ZNF678: variants seen among roughly 807,000 people sequenced by gnomAD.
The protein encoded by ZNF678 is hypothetical protein MGC42493.
In ZNF678, 5 loss-of-function variants were observed where a neutral mutation model predicts 3.0. That is an observed-to-expected ratio of 1.69 (90% CI 0.88 to 3.56). The LOEUF (loss-of-function observed/expected upper bound fraction) is 3.56. ZNF678 is among the 30% of genes most tolerant of loss of function. The pLI is 0.00. For missense variants in ZNF678, 593 were observed against 605.0 expected, an observed-to-expected ratio of 0.98 and a Z score of 0.21; for synonymous variants, 218 against 199.6, an observed-to-expected ratio of 1.09 and a Z score of -0.78.
At chr1:227,654,306 A>C (rs1186604526) in intron 3 of ZNF678, 30 bp from the exon 4 acceptor site, 1 of 1,470,724 alleles carries the variant, frequency 6.8e-7, no homozygotes, top group African/African-American at 1.4e-5. Context: ...ATTAGTAAGA[A>C]GAATAACTTT....
intron 1 of ZNF678, among the ~76,000 whole-genome samples, chr1:227,595,786 A>G (rs777242084): frequency 6.6e-6 from 1 of 152,196 alleles, no homozygotes; most frequent in Non-Finnish European, 1.5e-5. Context: ...AGTCAAGTCA[A>G]AAACAAAAAC....
chr1:227,623,462 A>G (rs2102772534), intron 1 of ZNF678, among the ~76,000 whole-genome samples: 1 of 152,368 alleles, frequency 6.6e-6, no homozygotes, highest in South Asian at 2.1e-4. Context: ...AAGAGCTTCA[A>G]AGCACTGGCT....
At chr1:227,640,813 G>C (rs1190476707) in intron 1 of ZNF678, among the ~76,000 whole-genome samples, 4 of 152,070 alleles carry the variant, frequency 2.6e-5, no homozygotes, top group African/African-American at 9.7e-5. Flanking sequence ...TTCCCATAAC[G>C]GAGGGTAGGC....
rs1198805907 is a variant in ZNF678, at chr1:227,580,788, G to A, written c.-164+17064G>A. The stretch of plus-strand genomic sequence containing the variant: ...TCTACTAAAAATACAGAATTAGCCA[G>A]GCGTGGTGGTGCATGTCTGTAATCC... On this transcript the variant is annotated intron_variant, in intron 1 of 3. Transcript: ENST00000343776. Among the ~76,000 whole-genome samples the A allele has an allele frequency of 3.3e-5, 5 of 152,212 alleles. No homozygotes were observed. In the South Asian group the frequency reaches 6.2e-4, roughly 19 times the overall value.
intron 1 of ZNF678, among the ~76,000 whole-genome samples, chr1:227,610,029 G>C (rs1033855354): frequency 6.6e-6 from 1 of 151,972 alleles, no homozygotes; most frequent in Non-Finnish European, 1.5e-5. Flanking sequence ...CACCGCGCTC[G>C]ACCCTCCTTC....
chr1:227,563,793 GCCCGGAGT>G (rs2102707077), intron 1 of ZNF678, 69 bp downstream of exon 1: 1 of 1,281,892 alleles, frequency 7.8e-7, no homozygotes, highest in East Asian at 5.6e-5. Flanking sequence ...AGAGTCCGCG[GCCCGGAGT>G]CCCGGCTGGC....
chr1:227,622,271 A>G (rs1658299792), intron 1 of ZNF678, among the ~76,000 whole-genome samples: 1 of 152,252 alleles, frequency 6.6e-6, no homozygotes. Flanking sequence ...AGGCAAAGCT[A>G]AATTCTTTCC....
chr1:227,670,231 A>ATGT (rs1659576865), intron 5 of ZNF678, among the ~76,000 whole-genome samples: 2 of 152,202 alleles, frequency 1.3e-5, no homozygotes, highest in Admixed American at 6.5e-5. Flanking sequence ...TACTATACCC[A>ATGT]AAATACCCAT....
At chr1:227,619,381 T>C (rs567888749) in intron 1 of ZNF678, among the ~76,000 whole-genome samples, 11 of 152,308 alleles carry the variant, frequency 7.2e-5, no homozygotes, top group African/African-American at 2.6e-4. Context: ...TGCTCGAAAG[T>C]ATAGTTGGGC....
At chr1:227,613,677 T>C (rs1305660857) in intron 1 of ZNF678, among the ~76,000 whole-genome samples, 1 of 152,210 alleles carries the variant, frequency 6.6e-6, no homozygotes, top group African/African-American at 2.4e-5. Flanking sequence ...CCTCTGCCTT[T>C]GCTTTCTGTT....
At position 227,646,351 on chromosome 1, in the gene ZNF678, G is replaced by A. The variant is rs1309373748; in HGVS notation, c.-163-193G>A. ...TTATAAAAATATAGCATCTACACTG[G>A]TTTTGTAAATCTTATGCCATCCTCT... On this transcript the variant is annotated intron_variant, in intron 1 of 3. Coordinates refer to ENST00000343776, the MANE Select transcript of ZNF678 (RefSeq NM_001367909.1). Among the ~76,000 whole-genome samples the A allele has an allele frequency of 2.6e-5, 4 of 152,180 alleles. No individual in the cohort carries two copies. The East Asian group carries it at 7.7e-4, about 29-fold the overall frequency.
At chr1:227,648,819 G>A (rs938321503) in intron 2 of ZNF678, among the ~76,000 whole-genome samples, 4 of 149,104 alleles carry the variant, frequency 2.7e-5, no homozygotes, top group African/African-American at 5.0e-5. Context: ...GTGACAGAGC[G>A]AGACTCCATC....
At chr1:227,672,176 G>A (rs1434377660) in intron 5 of ZNF678, among the ~76,000 whole-genome samples, 2 of 152,188 alleles carry the variant, frequency 1.3e-5, no homozygotes, top group African/African-American at 4.8e-5. Flanking sequence ...TCCAGGTGAT[G>A]TAAATACTTC....
At chr1:227,599,727 TAATA>T (rs1445880866) in intron 1 of ZNF678, among the ~76,000 whole-genome samples, 3 of 152,212 alleles carry the variant, frequency 2.0e-5, no homozygotes, top group African/African-American at 7.2e-5. Flanking sequence ...TTTGAAGAAT[TAATA>T]AACACCGTAC....
Position 227,598,523 on chromosome 1 carries a change from T to C in ZNF678, c.-164+34799T>C. ...TTTGTTTTTTTTCTGTTGCTTTTTC[T>C]CATTTTTCACTGCTTTTCTTCTTTT... On this transcript the variant is annotated intron_variant, in intron 1 of 3. Transcript: ENST00000343776. The C allele has an allele frequency of 6.2e-6, 8 of 1,280,758 alleles. No individual in the cohort carries two copies. The South Asian group carries it at 1.1e-4, about 18-fold the overall frequency. 79.3% of individuals were successfully genotyped at this position (1,280,758 alleles called of 1,614,324 possible). A position where few individuals can be genotyped will look rare whatever the true frequency, so the allele number is the denominator to read the frequency against.
intron 1 of ZNF678, among the ~76,000 whole-genome samples, chr1:227,618,044 A>G (rs917192919): frequency 3.9e-5 from 6 of 152,328 alleles, no homozygotes; most frequent in Non-Finnish European, 7.3e-5. Flanking sequence ...CTGAGTGTCC[A>G]GTCTGTCAGC....
In ZNF678 at chr1:227,600,242, G is replaced by A. The variant is rs1039866518; in HGVS notation, c.-164+36518G>A. On this transcript the variant is annotated intron_variant, in intron 1 of 3. Transcript: ENST00000343776. ...GCATTTAGGTTGATTCTATGTCTTT[G>A]CTATTGTAAATAGTGCTGCAGTGAA... Among the ~76,000 whole-genome samples the A allele has an allele frequency of 5.3e-4, 80 of 152,082 alleles. 2 individuals carry two copies. The highest frequency in any genetic ancestry group is 8.8e-5 in the Non-Finnish European group (6 of 68,024).
At chr1:227,569,993 G>T (rs1656795356) in intron 1 of ZNF678, among the ~76,000 whole-genome samples, 1 of 152,220 alleles carries the variant, frequency 6.6e-6, no homozygotes, top group Non-Finnish European at 1.5e-5. Flanking sequence ...AAAAAGGGTT[G>T]TAGCTGGGTC....
chr1:227,677,074 C>G (rs1174759249), intron 5 of ZNF678: 2 of 152,132 alleles, frequency 1.3e-5, no homozygotes, highest in African/African-American at 2.4e-5. Context: ...ATTTCTAGTT[C>G]TAGATCCCTG....
Sources: allele counts gnomAD v4.1 joint callset (sites outside exome capture counted in the v4.1 genomes callset), GRCh38; gene constraint gnomAD v4.1.1; transcripts MANE v1.5; gene names NCBI Gene and HGNC (gene_info 2026-07-23, HGNC 2026-07-21).